BCKDHB: variants seen among roughly 807,000 people sequenced by gnomAD.
BCKDHB encodes the protein 2-oxoisovalerate dehydrogenase subunit beta, mitochondrial.
Under a neutral mutation model 48.5 loss-of-function variants are expected in BCKDHB, and 41 were observed. The observed-to-expected ratio is 0.85, with a 90% CI of 0.66 to 1.10. The LOEUF (loss-of-function observed/expected upper bound fraction) is 1.10. Among genes scored for constraint, BCKDHB ranks in the 50% least tolerant of loss-of-function variants. The pLI is 0.00. For synonymous variants in BCKDHB, 201 were observed against 174.8 expected (o/e 1.15, Z -1.18); for missense variants, 496 against 494.2 (o/e 1.00, Z -0.03).
chr6:80,278,291 T>C (rs1479337779), intron 9 of BCKDHB, among the ~76,000 whole-genome samples: 1 of 152,164 alleles, frequency 6.6e-6, no homozygotes, highest in Non-Finnish European at 1.5e-5. Flanking sequence ...AAAAACAGTT[T>C]AATGTGGAGT....
chr6:80,201,489 C>T (rs1263305102), intron 7 of BCKDHB, among the ~76,000 whole-genome samples: 3 of 152,064 alleles, frequency 2.0e-5, no homozygotes, highest in Non-Finnish European at 1.5e-5. Context: ...CATGTGGTGG[C>T]CATAAATATA....
chr6:80,128,194 ATG>A (rs1187543453), intron 2 of BCKDHB, among the ~76,000 whole-genome samples: 2 of 151,766 alleles, frequency 1.3e-5, no homozygotes, highest in Non-Finnish European at 1.5e-5. Flanking sequence ...CAGTTTATAT[ATG>A]TGTGTGTGTG....
chr6:80,154,995 C>A (rs1270757145), intron 3 of BCKDHB, among the ~76,000 whole-genome samples: 2 of 152,128 alleles, frequency 1.3e-5, no homozygotes, highest in Admixed American at 1.3e-4. Flanking sequence ...TAAATTTCCA[C>A]AGAGTAATAG....
At chr6:80,417,541 G>A in the BCKDHB span, among the ~76,000 whole-genome samples, 8 of 152,090 alleles carry the variant, frequency 5.3e-5, no homozygotes, top group African/African-American at 1.7e-4. Flanking sequence ...TGGGGGTAAC[G>A]AATTTCCTCA....
In BCKDHB at chr6:80,168,219, A is replaced by G. The variant is rs111846009; in HGVS notation, c.477+408A>G. Among the ~76,000 whole-genome samples the G allele has an allele frequency of 1.7e-3, 265 of 152,094 alleles. 1 individual carries two copies. Among genetic ancestry groups the G allele is most frequent in the African/African-American group, 6.0e-3 (251 of 41,504 alleles). On this transcript the variant is annotated intron_variant, in intron 4 of 9. Transcript: ENST00000320393. ...GAGGATAACTTAAACCAGGAGTCCA[A>G]GGCTACAATGAACTGTGATCGCAGC... is the stretch of plus-strand genomic sequence containing the variant.
the BCKDHB span, among the ~76,000 whole-genome samples, chr6:80,421,070 A>G: frequency 4.6e-5 from 7 of 152,054 alleles, no homozygotes; most frequent in Non-Finnish European, 5.9e-5. Context: ...CCCAAATTTC[A>G]TCTTGAATTG....
At chr6:80,200,551 A>G (rs939783493) in intron 6 of BCKDHB, among the ~76,000 whole-genome samples, 3 of 152,198 alleles carry the variant, frequency 2.0e-5, no homozygotes, top group Non-Finnish European at 4.4e-5. Flanking sequence ...ACATAGTACA[A>G]AGTTCTTAGA....
chr6:80,114,438 A>AGGGTTTCAC (rs1769577647), intron 1 of BCKDHB, among the ~76,000 whole-genome samples: 1 of 151,920 alleles, frequency 6.6e-6, no homozygotes. Flanking sequence ...TTGTAGAGAC[A>AGGGTTTCAC]GGGTTTCACC....
chr6:80,126,955 TAA>T (rs1050892018), intron 1 of BCKDHB, among the ~76,000 whole-genome samples: 1 of 152,156 alleles, frequency 6.6e-6, no homozygotes, highest in Admixed American at 6.6e-5. Context: ...TTATTCCTCC[TAA>T]AAAATCCATT....
At chr6:80,353,200 C>A in the BCKDHB span, among the ~76,000 whole-genome samples, 3 of 152,274 alleles carry the variant, frequency 2.0e-5, no homozygotes, top group East Asian at 5.8e-4. Flanking sequence ...AAGATAATGA[C>A]CTCCAGTTCC....
intron 6 of BCKDHB, among the ~76,000 whole-genome samples, chr6:80,173,427 A>G (rs1773009122): frequency 6.6e-6 from 1 of 152,160 alleles, no homozygotes; most frequent in Non-Finnish European, 1.5e-5. Flanking sequence ...AAAAGGGCTA[A>G]CCACCAAAGT....
the BCKDHB span, among the ~76,000 whole-genome samples, chr6:80,433,509 G>C: frequency 6.6e-6 from 1 of 152,134 alleles, no homozygotes; most frequent in Non-Finnish European, 1.5e-5. Context: ...ACCCCTCCCC[G>C]CGCCAAGCTT....
intron 6 of BCKDHB, among the ~76,000 whole-genome samples, chr6:80,182,199 T>G (rs1267990974): frequency 6.6e-6 from 1 of 152,198 alleles, no homozygotes; most frequent in African/African-American, 2.4e-5. Flanking sequence ...TATTCTATTT[T>G]GTGATGAGAA....
the BCKDHB span, among the ~76,000 whole-genome samples, chr6:80,363,745 A>G: frequency 6.6e-6 from 1 of 152,228 alleles, no homozygotes; most frequent in Non-Finnish European, 1.5e-5. Flanking sequence ...CACAAGGAGT[A>G]CAGCAGTGTT....
the BCKDHB span, among the ~76,000 whole-genome samples, chr6:80,412,145 C>CA: frequency 2.2e-5 from 2 of 92,896 alleles, no homozygotes; most frequent in Non-Finnish European, 4.5e-5. Context: ...TCACAGTTTA[C>CA]ATTTTTTTTT....
At chr6:80,260,212 G>GT (rs1562183138) in intron 8 of BCKDHB, among the ~76,000 whole-genome samples, 65 of 151,238 alleles carry the variant, frequency 4.3e-4, no homozygotes, top group African/African-American at 1.6e-3. Context: ...GGTAATGGTG[G>GT]GTGTGTGTGT....
intron 8 of BCKDHB, among the ~76,000 whole-genome samples, chr6:80,216,363 A>G (rs1775171147): frequency 6.6e-6 from 1 of 152,210 alleles, no homozygotes; most frequent in Admixed American, 6.5e-5. Context: ...GCCCACCTTT[A>G]TAATATAAAG....
intron 6 of BCKDHB, among the ~76,000 whole-genome samples, chr6:80,196,955 C>T (rs12525046): frequency 0.08 from 12,188 of 152,136 alleles, 567 homozygotes; most frequent in South Asian, 0.099. Context: ...TTCATTTTGT[C>T]ACTATTTATC....
intron 1 of BCKDHB, among the ~76,000 whole-genome samples, chr6:80,108,257 G>A (rs763581409): frequency 1.9e-4 from 29 of 150,672 alleles, no homozygotes; most frequent in Non-Finnish European, 1.6e-4. Context: ...TTTACTTGGA[G>A]GGCGTCCCAG....
Sources: gnomAD v4.1 joint callset for allele counts (sites outside exome capture counted in the v4.1 genomes callset) on GRCh38, gnomAD v4.1.1 for gene constraint, MANE v1.5 for transcripts, NCBI Gene and HGNC (gene_info 2026-07-23, HGNC 2026-07-21) for gene names.